DNER: variants seen among roughly 807,000 people sequenced by gnomAD.
DNER encodes the protein delta/notch like EGF repeat containing, also known as delta and Notch-like epidermal growth factor-related receptor.
In DNER, 33 loss-of-function variants were observed where a neutral mutation model predicts 78.2. The observed-to-expected ratio is 0.42, with a 90% CI of 0.32 to 0.56. DNER has a LOEUF of 0.56. Ranked by LOEUF, DNER falls within the 20% of genes least tolerant of loss-of-function variation. The pLI, the probability that DNER is intolerant of heterozygous loss-of-function variation, is 0.11. For missense variants in DNER, 918 were observed against 975.3 expected (o/e 0.94, Z 0.78); for synonymous variants, 417 against 384.8 (o/e 1.08, Z -0.98).
intron 1 of DNER, among the ~76,000 whole-genome samples, chr2:229,592,456 G>A (rs1697626008): frequency 6.6e-6 from 1 of 152,168 alleles, no homozygotes; most frequent in Non-Finnish European, 1.5e-5. Flanking sequence ...CATGGCAGTT[G>A]CTAGCTAGAA....
chr2:229,438,925 C>T (rs1464839483), intron 8 of DNER, among the ~76,000 whole-genome samples: 1 of 152,158 alleles, frequency 6.6e-6, no homozygotes, highest in Admixed American at 6.5e-5. Flanking sequence ...CCACTTTTGA[C>T]CCCATTTGCT....
At chr2:229,429,453 T>C (rs190274628) in intron 8 of DNER, among the ~76,000 whole-genome samples, 10,018 of 152,208 alleles carry the variant, frequency 0.066, 716 homozygotes, top group African/African-American at 0.18. Context: ...CCTGGCATTG[T>C]CCGTGAGGTG....
intron 4 of DNER, among the ~76,000 whole-genome samples, chr2:229,578,775 T>C (rs946765174): frequency 6.6e-6 from 1 of 152,212 alleles, no homozygotes; most frequent in Non-Finnish European, 1.5e-5. Context: ...ACAAGGCTTA[T>C]AGGAATAGTT....
At chr2:229,506,099 T>C (rs1009950733) in intron 6 of DNER, among the ~76,000 whole-genome samples, 3 of 152,208 alleles carry the variant, frequency 2.0e-5, no homozygotes, top group African/African-American at 7.2e-5. Context: ...TGGGGTTGTA[T>C]TAGTCTGTTC....
At chr2:229,490,450 A>G (rs934974211) in intron 6 of DNER, among the ~76,000 whole-genome samples, 1 of 152,142 alleles carries the variant, frequency 6.6e-6, no homozygotes, top group Admixed American at 6.5e-5. Flanking sequence ...AACCTTGAAA[A>G]CCTGCTAAAT....
chr2:229,580,952 T>C (rs1697382215), intron 4 of DNER, among the ~76,000 whole-genome samples: 1 of 151,836 alleles, frequency 6.6e-6, no homozygotes, highest in African/African-American at 2.4e-5. Flanking sequence ...TGAGCTAAGT[T>C]TGGGGGTCTG....
In DNER at chr2:229,512,877, A is replaced by T. The variant is rs541493138; in HGVS notation, c.1053T>A (p.Asp351Glu). Residue 351 changes from aspartate to glutamate, a missense_variant, in exon 6 of 13, where the codon GAT (aspartate) becomes GAA (glutamate). Physicochemically the swap from Asp to Glu is conservative, Grantham distance 45 (BLOSUM62 2). Transcript: ENST00000341772. ...QYVGTFCEEY[D>E]ACQRKPCQNN... is the part of the protein sequence containing the mutation. ...TTTGGCAAGGTTTCCTCTGGCAAGC[A>T]TCGTATTCTTCACAGAAAGTACCCA... 4.5e-5 allele frequency: 73 copies of T among 1,614,164 alleles called. No individual in the cohort carries two copies. In the South Asian group the frequency reaches 7.5e-4, roughly 17 times the overall value.
intron 1 of DNER, among the ~76,000 whole-genome samples, chr2:229,661,808 G>T (rs911266377): frequency 6.6e-6 from 1 of 152,110 alleles, no homozygotes; most frequent in African/African-American, 2.4e-5. Flanking sequence ...ATTTCATAGT[G>T]ACCCCTTTGA....
rs147240255 is a variant in DNER at position 229,681,489 on chromosome 2, G to T, written c.276+32659C>A. Among the ~76,000 whole-genome samples the T allele has an allele frequency of 2.9e-3, 435 of 152,160 alleles. 7 individuals are homozygous for T. Among genetic ancestry groups the T allele is most frequent in the African/African-American group, 7.9e-3 (328 of 41,498 alleles). On this transcript the variant is annotated intron_variant, in intron 1 of 12. Transcript: ENST00000341772. ...CAATTATGCTCAAAATAAGGAGTTT[G>T]TCCCTCCTAGAAAACACATCCAAAC...
chr2:229,513,662 C>G (rs1283441449), intron 5 of DNER, among the ~76,000 whole-genome samples: 1 of 152,190 alleles, frequency 6.6e-6, no homozygotes, highest in East Asian at 1.9e-4. Flanking sequence ...TGAAATAAAC[C>G]ACAAATCTGT....
intron 7 of DNER, among the ~76,000 whole-genome samples, chr2:229,454,298 T>A (rs1451016238): frequency 6.6e-6 from 1 of 152,222 alleles, no homozygotes; most frequent in Non-Finnish European, 1.5e-5. Context: ...TGTATCTATG[T>A]GGGAATACAG....
intron 1 of DNER, among the ~76,000 whole-genome samples, chr2:229,683,288 T>C (rs958730715): frequency 9.9e-5 from 15 of 152,216 alleles, no homozygotes; most frequent in African/African-American, 3.4e-4. Flanking sequence ...TCGAAGATCA[T>C]GACACTGCAA....
At chr2:229,542,429 C>T (rs1404346484) in intron 5 of DNER, among the ~76,000 whole-genome samples, 2 of 152,078 alleles carry the variant, frequency 1.3e-5, no homozygotes, top group Non-Finnish European at 2.9e-5. Context: ...TTGTGAAATA[C>T]GCCCTCGCCC....
Position 229,585,927 on chromosome 2 carries a change from G to A in DNER, c.778C>T (p.Pro260Ser). 1.2e-6 allele frequency: 2 copies of A among 1,614,084 alleles called. No homozygotes were observed. Among genetic ancestry groups the A allele is most frequent in the Non-Finnish European group, 1.7e-6 (2 of 1,180,014 alleles). Residue 260 changes from proline (P) to serine (S), a missense_variant, in exon 4 of 13, where the codon CCC becomes TCC. Physicochemically the swap from Pro to Ser is moderately conservative, Grantham distance 74. Coordinates refer to ENST00000341772, the MANE Select transcript of DNER (RefSeq NM_139072.4). ...CSLIDGRSVTPLQASGGLVLL... is the reference protein window; with the variant it reads ...CSLIDGRSVTSLQASGGLVLL... ...ACCAGTCCCCCTGAAGCCTGAAGGG[G>A]GGTCACACTTCGTCCATCTATGAGG... is the stretch of plus-strand genomic sequence containing the variant.
At chr2:229,374,336 A>C (rs1357169934) in intron 11 of DNER, among the ~76,000 whole-genome samples, 1 of 152,226 alleles carries the variant, frequency 6.6e-6, no homozygotes, top group Admixed American at 6.5e-5. Context: ...AAACCTCAGC[A>C]TCACACAATG....
In DNER at chr2:229,590,898, G is replaced by A. The variant is rs559369977; in HGVS notation, c.585+682C>T. On this transcript the variant is annotated intron_variant, in intron 2 of 12. Coordinates refer to ENST00000341772, the MANE Select transcript of DNER (RefSeq NM_139072.4). ...GGGCAGATCTCTCATGAAAGACTTA[G>A]CACCGTCCCCTTGGTGATAAGTGAG... Among the ~76,000 whole-genome samples the A allele has an allele frequency of 3.6e-4, 55 of 152,326 alleles. No homozygotes were observed. In the South Asian group the frequency reaches 0.011, roughly 32 times the overall value.
intron 5 of DNER, among the ~76,000 whole-genome samples, chr2:229,540,021 A>G (rs193074006): frequency 5.1e-4 from 78 of 152,302 alleles, no homozygotes; most frequent in East Asian, 2.9e-3. Context: ...CGTTGCAATG[A>G]AGGGAATGCA....
chr2:229,536,229 G>A (rs1175126889), intron 5 of DNER, among the ~76,000 whole-genome samples: 1 of 152,178 alleles, frequency 6.6e-6, no homozygotes, highest in African/African-American at 2.4e-5. Context: ...TGGTTTACAG[G>A]AGATTTAGGC....
At chr2:229,511,057 T>C (rs1695856093) in intron 6 of DNER, among the ~76,000 whole-genome samples, 1 of 152,208 alleles carries the variant, frequency 6.6e-6, no homozygotes, top group South Asian at 2.1e-4. Flanking sequence ...TATGATTTGA[T>C]AAAGTTTAGG....
Sources: allele counts gnomAD v4.1 joint callset (sites outside exome capture counted in the v4.1 genomes callset), GRCh38; gene constraint gnomAD v4.1.1; transcripts MANE v1.5; gene names NCBI Gene and HGNC (gene_info 2026-07-23, HGNC 2026-07-21).